Variants in KCNMB2 observed in about 807,000 individuals in gnomAD.
KCNMB2 encodes the protein potassium calcium-activated channel subfamily M regulatory beta subunit 2, also known as calcium-activated potassium channel subunit beta-2.
Under a neutral mutation model 24.5 loss-of-function variants are expected in KCNMB2, and 9 were observed. The observed-to-expected ratio is 0.37, with a 90% CI of 0.22 to 0.64. The LOEUF is 0.64. Among genes scored for constraint, KCNMB2 ranks in the 30% least tolerant of loss-of-function variants. KCNMB2 has a pLI of 0.63. For missense variants in KCNMB2, 226 were observed against 284.3 expected, an observed-to-expected ratio of 0.79 and a Z score of 1.47; for synonymous variants, 109 against 104.4, an observed-to-expected ratio of 1.04 and a Z score of -0.27.
At chr3:178,788,378 T>C (rs1713190525) in intron 1 of KCNMB2, among the ~76,000 whole-genome samples, 1 of 152,128 alleles carries the variant, frequency 6.6e-6, no homozygotes, top group Non-Finnish European at 1.5e-5. Flanking sequence ...TAAAAATGTG[T>C]TTTCCATTTC....
intron 1 of KCNMB2, among the ~76,000 whole-genome samples, chr3:178,778,862 A>G (rs1712706911): frequency 6.6e-6 from 1 of 152,200 alleles, no homozygotes; most frequent in Non-Finnish European, 1.5e-5. Flanking sequence ...CTGGAGTGTC[A>G]AGACATGTTA....
chr3:178,543,894 T>G (rs1246455501), intron 1 of KCNMB2, among the ~76,000 whole-genome samples: 1 of 152,192 alleles, frequency 6.6e-6, no homozygotes, highest in East Asian at 1.9e-4. Context: ...TCCTTTTTGT[T>G]GCAAGAATAC....
chr3:178,578,852 A>T lies in KCNMB2; in HGVS notation c.-68+42141A>T, dbSNP rs1465065193. On this transcript the variant is annotated intron_variant, in intron 1 of 4. Coordinates refer to ENST00000452583, the MANE Select transcript of KCNMB2 (RefSeq NM_181361.3). The stretch of plus-strand genomic sequence containing the variant: ...TCCTAAATATATATGCACCCAATAC[A>T]GGAGCAAACAGATTCATAAAGCAAG... Among the ~76,000 whole-genome samples, 3 of 152,212 alleles carry T rather than the reference A, an allele frequency of 2.0e-5. No homozygotes were observed. The East Asian group carries it at 5.8e-4, about 29-fold the overall frequency.
At chr3:178,600,561 A>G (rs371122230) in intron 1 of KCNMB2, among the ~76,000 whole-genome samples, 9 of 152,190 alleles carry the variant, frequency 5.9e-5, no homozygotes, top group African/African-American at 2.2e-4. Context: ...TATTTTATAA[A>G]ACAGAATTCT....
intron 4 of KCNMB2, among the ~76,000 whole-genome samples, chr3:178,828,614 T>A (rs938001892): frequency 1.3e-5 from 2 of 152,200 alleles, no homozygotes; most frequent in Non-Finnish European, 2.9e-5. Context: ...CACTTCCATT[T>A]GAAAGGGTAA....
chr3:178,573,103 G>A (rs533704717), intron 1 of KCNMB2, among the ~76,000 whole-genome samples: 19 of 151,998 alleles, frequency 1.3e-4, no homozygotes, highest in South Asian at 2.1e-4. Flanking sequence ...TTCGCCTCCC[G>A]GGTTCCAAGA....
intron 1 of KCNMB2, among the ~76,000 whole-genome samples, chr3:178,685,711 C>T (rs4295149): frequency 0.71 from 108,277 of 152,198 alleles, 38,932 homozygotes; most frequent in African/African-American, 0.84. Flanking sequence ...TTCCTCACCA[C>T]GAAGTTAATC....
intron 1 of KCNMB2, among the ~76,000 whole-genome samples, chr3:178,612,525 A>G (rs2108517528): frequency 6.6e-6 from 1 of 151,978 alleles, no homozygotes; most frequent in Admixed American, 6.6e-5. Flanking sequence ...TTTGTTCTGA[A>G]ATCTATTTTG....
At chr3:178,780,898 T>C (rs2108431157) in intron 1 of KCNMB2, among the ~76,000 whole-genome samples, 1 of 152,312 alleles carries the variant, frequency 6.6e-6, no homozygotes, top group East Asian at 1.9e-4. Context: ...TGCTAAAATT[T>C]ATATACTGAC....
At chr3:178,585,568 A>G (rs1208501151) in intron 1 of KCNMB2, among the ~76,000 whole-genome samples, 5 of 152,144 alleles carry the variant, frequency 3.3e-5, no homozygotes, top group Non-Finnish European at 5.9e-5. Context: ...AGATTCCATG[A>G]TCAGCAATCT....
At chr3:178,802,584 G>C (rs1713814788) in intron 1 of KCNMB2, among the ~76,000 whole-genome samples, 1 of 152,104 alleles carries the variant, frequency 6.6e-6, no homozygotes. Flanking sequence ...AGAGGTTATA[G>C]TCATGTTTCT....
chr3:178,828,700 C>T (rs4440105), intron 4 of KCNMB2, among the ~76,000 whole-genome samples: 98,206 of 152,042 alleles, frequency 0.65, 33,610 homozygotes, highest in African/African-American at 0.87. Context: ...CAAGACAAAA[C>T]CATGTGTTTG....
intron 1 of KCNMB2, among the ~76,000 whole-genome samples, chr3:178,608,652 A>G (rs1223818187): frequency 6.6e-6 from 1 of 152,100 alleles, no homozygotes; most frequent in Non-Finnish European, 1.5e-5. Context: ...ACCTATTTCC[A>G]CTGCCCCCTC....
intron 1 of KCNMB2, among the ~76,000 whole-genome samples, chr3:178,578,556 A>G (rs923732918): frequency 6.6e-6 from 1 of 152,218 alleles, no homozygotes; most frequent in Admixed American, 6.5e-5. Flanking sequence ...AACAGGCTAA[A>G]TGCCCCAGTT....
chr3:178,543,782 C>T (rs375823985), intron 1 of KCNMB2, among the ~76,000 whole-genome samples: 4 of 152,058 alleles, frequency 2.6e-5, no homozygotes, highest in Admixed American at 6.6e-5. Context: ...CAACTGGTCC[C>T]GACACTAGTA....
At chr3:178,826,283 CCAT>C (rs1342190089) in intron 3 of KCNMB2, among the ~76,000 whole-genome samples, 1 of 152,182 alleles carries the variant, frequency 6.6e-6, no homozygotes, top group African/African-American at 2.4e-5. Context: ...TACCCAGCCC[CCAT>C]CATCATCAAC....
chr3:178,603,178 A>G (rs577350159), intron 1 of KCNMB2, among the ~76,000 whole-genome samples: 12 of 152,306 alleles, frequency 7.9e-5, no homozygotes, highest in African/African-American at 2.9e-4. Context: ...GGACAGAAAA[A>G]TGGCATTTGG....
chr3:178,700,768 T>TA (rs35566284), intron 1 of KCNMB2, among the ~76,000 whole-genome samples: 49,818 of 147,798 alleles, frequency 0.34, 9,005 homozygotes, highest in African/African-American at 0.49. Flanking sequence ...ATGAGTAGTG[T>TA]AAAAAAAAAA....
At chr3:178,686,045 TGAGA>T (rs775320270) in intron 1 of KCNMB2, among the ~76,000 whole-genome samples, 3 of 150,078 alleles carry the variant, frequency 2.0e-5, no homozygotes, top group Admixed American at 6.6e-5. Context: ...TGTGTGTGTG[TGAGA>T]GAGAGAGAGA....
Sources: allele counts gnomAD v4.1 joint callset (sites outside exome capture counted in the v4.1 genomes callset), GRCh38; gene constraint gnomAD v4.1.1; transcripts MANE v1.5; gene names NCBI Gene and HGNC (gene_info 2026-07-23, HGNC 2026-07-21).